The following HMGCLL1 variants were observed in gnomAD, a reference collection of about 807,000 sequenced individuals.
HMGCLL1 encodes the protein 3-hydroxymethyl-3-methylglutaryl-CoA lyase, cytoplasmic.
Under a neutral mutation model 39.1 loss-of-function variants are expected in HMGCLL1, and 36 were observed. The observed-to-expected ratio is 0.92, with a 90% CI of 0.71 to 1.22. HMGCLL1 has a LOEUF of 1.22. Ranked by LOEUF, HMGCLL1 falls within the 50% of genes most tolerant of loss-of-function variation. The pLI is 0.00. For synonymous variants in HMGCLL1, 149 were observed against 144.0 expected, an observed-to-expected ratio of 1.03 and a Z score of -0.25; for missense variants, 451 against 416.5, an observed-to-expected ratio of 1.08 and a Z score of -0.72.
At chr6:55,582,960 A>G (rs190418794), upstream of HMGCLL1, among the ~76,000 whole-genome samples, 73 of 152,202 alleles carry the variant, frequency 4.8e-4, 1 homozygote, top group Admixed American at 3.9e-3. Flanking sequence ...ATTTTTTGAG[A>G]GAAAAGTAGG....
intron 1 of HMGCLL1, among the ~76,000 whole-genome samples, chr6:55,549,241 T>C (rs1341666971): frequency 1.3e-5 from 2 of 151,832 alleles, no homozygotes; most frequent in Non-Finnish European, 2.9e-5. Flanking sequence ...AAATATTTTA[T>C]ATAGAAAATT....
chr6:55,620,693 C>A, the HMGCLL1 span, among the ~76,000 whole-genome samples: 2 of 151,816 alleles, frequency 1.3e-5, no homozygotes, highest in Admixed American at 6.6e-5. Context: ...GACTAATGTA[C>A]TGGAAAGTTT....
At chr6:55,483,306 A>T (rs1765838276) in intron 7 of HMGCLL1, among the ~76,000 whole-genome samples, 1 of 152,270 alleles carries the variant, frequency 6.6e-6, no homozygotes, top group South Asian at 2.1e-4. Context: ...ACACTCTGTC[A>T]TCAGGCTGGA....
At chr6:55,637,217 G>A in the HMGCLL1 span, among the ~76,000 whole-genome samples, 1 of 152,032 alleles carries the variant, frequency 6.6e-6, no homozygotes, top group Non-Finnish European at 1.5e-5. Flanking sequence ...TTCATAAATC[G>A]GCACAGTCTC....
At chr6:55,527,452 A>C (rs187997284) in intron 3 of HMGCLL1, among the ~76,000 whole-genome samples, 2 of 152,138 alleles carry the variant, frequency 1.3e-5, no homozygotes, top group African/African-American at 4.8e-5. Context: ...AAATTAGCAC[A>C]TTCTAGGCCT....
the HMGCLL1 span, among the ~76,000 whole-genome samples, chr6:55,671,826 T>G: frequency 6.6e-6 from 1 of 151,802 alleles, no homozygotes; most frequent in African/African-American, 2.4e-5. Context: ...GGGTATTGCT[T>G]AAATAATTAC....
chr6:55,568,760 T>C (rs1771332841), intron 1 of HMGCLL1, among the ~76,000 whole-genome samples: 1 of 152,136 alleles, frequency 6.6e-6, no homozygotes. Flanking sequence ...TTTTGCTTTA[T>C]ATCTTTTAAA....
chr6:55,613,051 T>C, the HMGCLL1 span, among the ~76,000 whole-genome samples: 1 of 152,004 alleles, frequency 6.6e-6, no homozygotes, highest in African/African-American at 2.4e-5. Flanking sequence ...AGTCTACCCA[T>C]CTAACAAAGG....
chr6:55,449,422 A>T (rs1341689544), intron 7 of HMGCLL1, among the ~76,000 whole-genome samples: 3 of 152,216 alleles, frequency 2.0e-5, no homozygotes, highest in African/African-American at 7.2e-5. Context: ...GAGTTCCTCA[A>T]TGACCACTTG....
intron 1 of HMGCLL1, among the ~76,000 whole-genome samples, chr6:55,546,632 G>A (rs189417821): frequency 1.1e-4 from 17 of 152,176 alleles, no homozygotes; most frequent in Admixed American, 2.0e-4. Context: ...GCAGGGATGG[G>A]GAGGGACACT....
the HMGCLL1 span, among the ~76,000 whole-genome samples, chr6:55,637,612 A>T: frequency 6.6e-6 from 1 of 152,094 alleles, no homozygotes; most frequent in East Asian, 1.9e-4. Context: ...AGTAGAGATC[A>T]TATCTAGTCA....
chr6:55,614,013 C>A, the HMGCLL1 span, among the ~76,000 whole-genome samples: 1 of 151,986 alleles, frequency 6.6e-6, no homozygotes. Flanking sequence ...TGAACAATAG[C>A]AAGTATTGAA....
At chr6:55,619,587 A>G in the HMGCLL1 span, among the ~76,000 whole-genome samples, 1 of 152,132 alleles carries the variant, frequency 6.6e-6, no homozygotes, top group Admixed American at 6.6e-5. Flanking sequence ...GTAGGTGTAT[A>G]TATTTATGGG....
chr6:55,517,411 T>C (rs1488986715), intron 3 of HMGCLL1, among the ~76,000 whole-genome samples: 1 of 151,904 alleles, frequency 6.6e-6, no homozygotes, highest in East Asian at 1.9e-4. Flanking sequence ...AAATAATAAA[T>C]TGTGGCATGA....
chr6:55,610,977 G>A, the HMGCLL1 span, among the ~76,000 whole-genome samples: 1 of 151,902 alleles, frequency 6.6e-6, no homozygotes, highest in African/African-American at 2.4e-5. Context: ...TTTTCACATG[G>A]CATTTACTCA....
upstream of HMGCLL1, among the ~76,000 whole-genome samples, chr6:55,582,147 A>G (rs1215750021): frequency 2.0e-5 from 3 of 152,180 alleles, no homozygotes; most frequent in Non-Finnish European, 4.4e-5. Context: ...ATTATCTATG[A>G]TGGGAGCCAG....
At chr6:55,625,936 C>T in the HMGCLL1 span, among the ~76,000 whole-genome samples, 1 of 152,148 alleles carries the variant, frequency 6.6e-6, no homozygotes, top group Admixed American at 6.5e-5. Context: ...CCTCTTTCCC[C>T]AGCCACCTCT....
the HMGCLL1 span, among the ~76,000 whole-genome samples, chr6:55,619,125 G>GA: frequency 6.6e-6 from 1 of 150,854 alleles, no homozygotes; most frequent in Non-Finnish European, 1.5e-5. Context: ...AGAGGGAGAG[G>GA]TCAAAGATAG....
chr6:55,572,758 T>C (rs919740176), intron 1 of HMGCLL1, among the ~76,000 whole-genome samples: 1 of 152,226 alleles, frequency 6.6e-6, no homozygotes, highest in Non-Finnish European at 1.5e-5. Context: ...TTCCTTATTA[T>C]ATAATCTTTC....
Sources: gnomAD v4.1 joint callset for allele counts (sites outside exome capture counted in the v4.1 genomes callset) on GRCh38, gnomAD v4.1.1 for gene constraint, MANE v1.5 for transcripts, NCBI Gene and HGNC (gene_info 2026-07-23, HGNC 2026-07-21) for gene names.